Variants in SLC25A20 observed in about 807,000 individuals in gnomAD.
SLC25A20 encodes solute carrier family 25 member 20.
Under a neutral mutation model 39.7 loss-of-function variants are expected in SLC25A20, and 29 were observed. The ratio of observed to expected loss-of-function variants is 0.73; its 90% confidence interval spans 0.54 to 1.00. SLC25A20 has a LOEUF of 1.00. Among genes scored for constraint, SLC25A20 ranks in the 50% least tolerant of loss-of-function variants. The probability of loss-of-function intolerance (pLI) is 0.00; values close to 1 mark genes in which losing one functional copy is unlikely to be tolerated. For synonymous variants in SLC25A20, 103 were observed against 142.2 expected, an observed-to-expected ratio of 0.72 and a Z score of 1.96; for missense variants, 333 against 379.9, an observed-to-expected ratio of 0.88 and a Z score of 1.03.
intron 4 of SLC25A20, among the ~76,000 whole-genome samples, chr3:48,863,932 T>G (rs1056519413): frequency 2.0e-5 from 3 of 151,784 alleles, no homozygotes; most frequent in African/African-American, 7.3e-5. Flanking sequence ...GGAGAATCGC[T>G]TGAACCCAGG....
At position 48,857,531 on chromosome 3, in the gene SLC25A20, C is replaced by CT. The variant is rs2083589127; in HGVS notation, c.*178dup. 9 of 625,396 alleles carry CT rather than the reference C, an allele frequency of 1.4e-5. No individual in the cohort carries two copies. The highest frequency in any genetic ancestry group is 2.3e-5 in the Non-Finnish European group (8 of 342,828). The allele number at this position is 625,396 out of a possible 1,614,324, so 38.7% of individuals were successfully genotyped here. The stretch of plus-strand genomic sequence containing the variant: ...TGAATTCAAGTTTCAAAATGACACA[C>CT]TAAGTTATACACGGTGCAGGATGTC... On this transcript the variant is annotated 3_prime_UTR_variant, in exon 9 of 9. Transcript: ENST00000319017.
At chr3:48,863,996 CAG>C (rs1334964049) in intron 4 of SLC25A20, among the ~76,000 whole-genome samples, 2 of 151,332 alleles carry the variant, frequency 1.3e-5, no homozygotes, top group East Asian at 3.9e-4. Flanking sequence ...GCCTGGGAGA[CAG>C]AGCACAACTC....
chr3:48,856,989 T>G lies in SLC25A20; in HGVS notation c.*721A>C, dbSNP rs1048279306. 6.6e-6 allele frequency: 1 copy of G among 152,270 alleles called. No individual in the cohort carries two copies. The highest frequency in any genetic ancestry group is 1.5e-5 in the Non-Finnish European group (1 of 68,108). The allele number at this position is 152,270 out of a possible 1,614,324, so 9.4% of individuals were successfully genotyped here. A position where few individuals can be genotyped will look rare whatever the true frequency, so the allele number is the denominator to read the frequency against. ...AGTGAGCTCTCATGAGAAAAGAGTA[T>G]GTAAAAAGGGCCTTCCTACACCCTG... On this transcript the variant is annotated 3_prime_UTR_variant, in exon 9 of 9. Transcript: ENST00000319017.
rs543776633 is a variant in SLC25A20, at chr3:48,895,062, G to T, written c.106-2990C>A. On this transcript the variant is annotated intron_variant, in intron 1 of 8. Coordinates refer to ENST00000319017, the MANE Select transcript of SLC25A20 (RefSeq NM_000387.6). ...TTTCACTCGTCGCCCAGGCTGCACA[G>T]CAATGGTGCGATCTGGGCTCACCGC... Among the ~76,000 whole-genome samples the T allele has an allele frequency of 7.2e-5, 11 of 152,080 alleles. No individual in the cohort carries two copies. In the South Asian group the frequency reaches 2.1e-3, roughly 29 times the overall value.
chr3:48,868,235 G>A (rs997548715), intron 4 of SLC25A20, among the ~76,000 whole-genome samples: 1 of 151,732 alleles, frequency 6.6e-6, no homozygotes, highest in Non-Finnish European at 1.5e-5. Context: ...GGTACGAAGC[G>A]GTCACACAGC....
intron 4 of SLC25A20, among the ~76,000 whole-genome samples, chr3:48,874,649 G>A (rs187863740): frequency 1.4e-3 from 206 of 152,236 alleles, no homozygotes; most frequent in Non-Finnish European, 2.4e-3. Flanking sequence ...ATGCTGTTAG[G>A]TGGAAGAATA....
chr3:48,893,886 C>T (rs1276655599), intron 1 of SLC25A20, among the ~76,000 whole-genome samples: 7 of 148,204 alleles, frequency 4.7e-5, no homozygotes, highest in African/African-American at 1.2e-4. Flanking sequence ...GGAGGCCAGG[C>T]GCGGTGGCTC....
chr3:48,883,031 C>T (rs1231400813), intron 3 of SLC25A20, among the ~76,000 whole-genome samples: 1 of 142,424 alleles, frequency 7.0e-6, no homozygotes. Context: ...ACTAAAAATA[C>T]AAAAAAAAAA....
In SLC25A20 at chr3:48,890,944, G is replaced by A. The variant is rs559978768; in HGVS notation, c.198+1036C>T. Among the ~76,000 whole-genome samples, 18 of 151,674 alleles carry A rather than the reference G, an allele frequency of 1.2e-4. 1 individual carries two copies. The highest frequency in any genetic ancestry group is 3.9e-4 in the African/African-American group (16 of 41,376). ...GCTGGGATCACAGGCGTGAGCCAGC[G>A]CGCCCAGCCACCCCCTTGTCTTGTA... On this transcript the variant is annotated intron_variant, in intron 2 of 8. Coordinates refer to ENST00000319017, the MANE Select transcript of SLC25A20 (RefSeq NM_000387.6).
intron 1 of SLC25A20, among the ~76,000 whole-genome samples, chr3:48,898,168 G>A (rs1300302810): frequency 6.6e-6 from 1 of 152,156 alleles, no homozygotes; most frequent in African/African-American, 2.4e-5. Context: ...GGCTGAGCAG[G>A]CCACCGTTGG....
intron 3 of SLC25A20, among the ~76,000 whole-genome samples, chr3:48,882,861 C>G (rs142250605): frequency 1.3e-5 from 2 of 151,964 alleles, no homozygotes; most frequent in Non-Finnish European, 2.9e-5. Flanking sequence ...TGCATTCCAG[C>G]CTGGGTGACA....
Position 48,857,633 on chromosome 3 carries a change from G to T in SLC25A20, c.*77C>A. ...TCCCCTCCCCTTGCCCTCCAAGACT[G>T]CTTAGTTCTGCTTACTACTCCTTCT... On this transcript the variant is annotated 3_prime_UTR_variant, in exon 9 of 9. Coordinates refer to ENST00000319017, the MANE Select transcript of SLC25A20 (RefSeq NM_000387.6). 5 of 1,373,646 alleles carry T rather than the reference G, an allele frequency of 3.6e-6. No homozygotes were observed. The highest frequency in any genetic ancestry group is 5.1e-6 in the Non-Finnish European group (5 of 970,984). The allele number at this position is 1,373,646 out of a possible 1,614,324, so 85.1% of individuals were successfully genotyped here. A position where few individuals can be genotyped will look rare whatever the true frequency, so the allele number is the denominator to read the frequency against.
intron 4 of SLC25A20, among the ~76,000 whole-genome samples, chr3:48,866,973 T>G (rs1477302197): frequency 2.6e-5 from 4 of 151,852 alleles, no homozygotes; most frequent in African/African-American, 9.7e-5. Context: ...TCTTGTATTT[T>G]TAGTAGAGAT....
chr3:48,897,367 ATTTTTTT>A (rs869090435), intron 1 of SLC25A20, among the ~76,000 whole-genome samples: 1 of 83,730 alleles, frequency 1.2e-5, no homozygotes, highest in Non-Finnish European at 2.4e-5. Flanking sequence ...ATATATATAT[ATTTTTTT>A]TTTTTTTTTT....
chr3:48,897,365 ATATTTTTT>A (rs2083917466), intron 1 of SLC25A20, among the ~76,000 whole-genome samples: 1 of 104,346 alleles, frequency 9.6e-6, no homozygotes, highest in Non-Finnish European at 2.0e-5. Flanking sequence ...ATATATATAT[ATATTTTTT>A]TTTTTTTTTT....
chr3:48,886,130 A>G (rs1190116162), intron 2 of SLC25A20, among the ~76,000 whole-genome samples: 2 of 152,208 alleles, frequency 1.3e-5, no homozygotes, highest in Admixed American at 6.5e-5. Flanking sequence ...ATAAAATCAT[A>G]TGGATGGGCA....
chr3:48,860,626 A>G (rs904584127), intron 5 of SLC25A20, among the ~76,000 whole-genome samples: 1 of 150,974 alleles, frequency 6.6e-6, no homozygotes, highest in African/African-American at 2.4e-5. Context: ...TAATAATACA[A>G]AAAATACAAA....
chr3:48,878,276 ATATATAT>A (rs2083776818), intron 4 of SLC25A20, among the ~76,000 whole-genome samples: 14 of 114,204 alleles, frequency 1.2e-4, no homozygotes, highest in South Asian at 2.8e-4. Context: ...AAAAAAAAAT[ATATATAT>A]ATATATATAT....
intron 1 of SLC25A20, among the ~76,000 whole-genome samples, chr3:48,896,380 G>A (rs2083909914): frequency 6.6e-6 from 1 of 151,868 alleles, no homozygotes; most frequent in African/African-American, 2.4e-5. Flanking sequence ...ATGTTGCCAA[G>A]GCTGCCTTTT....
Sources: gnomAD v4.1 joint callset for allele counts (sites outside exome capture counted in the v4.1 genomes callset) on GRCh38, gnomAD v4.1.1 for gene constraint, MANE v1.5 for transcripts, NCBI Gene and HGNC (gene_info 2026-07-23, HGNC 2026-07-21) for gene names.